The following ANKS1B variants were observed in gnomAD, a reference collection of about 807,000 sequenced individuals.
The protein encoded by ANKS1B is ankyrin repeat and sterile alpha motif domain containing 1B, also known as ankyrin repeat and sterile alpha motif domain-containing protein 1B.
ANKS1B carries 36 observed loss-of-function variants against 148.3 expected under a neutral mutation model. The observed-to-expected ratio is 0.24, with a 90% CI of 0.19 to 0.32. ANKS1B has a LOEUF of 0.32. Among genes scored for constraint, ANKS1B ranks in the 10% least tolerant of loss-of-function variants. The pLI, the probability that ANKS1B is intolerant of heterozygous loss-of-function variation, is 1.00. For synonymous variants in ANKS1B, 542 were observed against 560.8 expected (o/e 0.97, Z 0.47); for missense variants, 1,157 against 1,542.6 (o/e 0.75, Z 4.19).
intron 25 of ANKS1B, among the ~76,000 whole-genome samples, chr12:98,769,415 T>C (rs898988311): frequency 3.9e-5 from 6 of 152,182 alleles, no homozygotes; most frequent in African/African-American, 1.4e-4. Context: ...ACTGTTCACC[T>C]GGAGAAGATT....
At chr12:98,805,462 A>G (rs1004209912) in intron 20 of ANKS1B, among the ~76,000 whole-genome samples, 2 of 152,210 alleles carry the variant, frequency 1.3e-5, no homozygotes, top group African/African-American at 4.8e-5. Flanking sequence ...GATTCTGTGT[A>G]ACACATGTTT....
chr12:99,819,891 A>G (rs1196145913), intron 2 of ANKS1B, among the ~76,000 whole-genome samples: 1 of 151,778 alleles, frequency 6.6e-6, no homozygotes, highest in Non-Finnish European at 1.5e-5. Context: ...CAAGAAAAAA[A>G]GGGATGAGAA....
intron 8 of ANKS1B, among the ~76,000 whole-genome samples, chr12:99,752,460 T>A (rs2061197012): frequency 6.6e-6 from 1 of 152,040 alleles, no homozygotes; most frequent in Non-Finnish European, 1.5e-5. Context: ...CAGTAGCTAG[T>A]ACGTAATATA....
At chr12:99,099,767 A>G (rs1423493313) in intron 15 of ANKS1B, 1 of 152,260 alleles carries the variant, frequency 6.6e-6, no homozygotes, top group Non-Finnish European at 1.5e-5. Flanking sequence ...TGCTAATAAC[A>G]TAAAATTTTA....
intron 2 of ANKS1B, among the ~76,000 whole-genome samples, chr12:99,821,085 G>A (rs556088975): frequency 6.6e-6 from 1 of 152,066 alleles, no homozygotes; most frequent in South Asian, 2.1e-4. Context: ...GCATCATAGT[G>A]CATAACTGAG....
chr12:99,856,263 C>G (rs1359924727), intron 1 of ANKS1B, among the ~76,000 whole-genome samples: 4 of 152,002 alleles, frequency 2.6e-5, no homozygotes, highest in African/African-American at 9.7e-5. Context: ...TACAAAAGAT[C>G]ATCCAAGGCT....
At chr12:99,059,736 C>T (rs959398599) in intron 16 of ANKS1B, among the ~76,000 whole-genome samples, 3 of 123,116 alleles carry the variant, frequency 2.4e-5, no homozygotes, top group African/African-American at 9.3e-5. Flanking sequence ...AATTAGTAAC[C>T]TATTTGTTTA....
intron 1 of ANKS1B, among the ~76,000 whole-genome samples, chr12:99,826,877 G>A (rs1430036448): frequency 6.6e-6 from 1 of 152,144 alleles, no homozygotes; most frequent in Non-Finnish European, 1.5e-5. Context: ...TTGGGAGGCT[G>A]AGGAGGGAGG....
intron 1 of ANKS1B, among the ~76,000 whole-genome samples, chr12:99,941,426 G>C (rs1361315268): frequency 1.3e-5 from 2 of 151,010 alleles, no homozygotes; most frequent in African/African-American, 4.9e-5. Flanking sequence ...AAGATAACAA[G>C]GACCTGAAGT....
At chr12:99,661,661 C>T (rs565277123) in intron 8 of ANKS1B, among the ~76,000 whole-genome samples, 1 of 152,262 alleles carries the variant, frequency 6.6e-6, no homozygotes, top group South Asian at 2.1e-4. Flanking sequence ...TTTTCTCTGG[C>T]AAAGACTATT....
intron 17 of ANKS1B, among the ~76,000 whole-genome samples, chr12:98,870,007 G>C (rs1308549207): frequency 1.3e-5 from 2 of 152,182 alleles, no homozygotes; most frequent in African/African-American, 4.8e-5. Context: ...TTGGGGTGCA[G>C]TAGTTAAGAG....
intron 10 of ANKS1B, among the ~76,000 whole-genome samples, chr12:99,464,724 A>G (rs542446603): frequency 7.0e-4 from 106 of 152,362 alleles, no homozygotes; most frequent in African/African-American, 2.5e-3. Context: ...AAATGAAGCC[A>G]GAAGGGAAGT....
intron 17 of ANKS1B, 133 bp from the exon 18 acceptor site, chr12:98,832,269 G>T: frequency 1.5e-6 from 1 of 686,200 alleles, no homozygotes; most frequent in Non-Finnish European, 2.4e-6. Flanking sequence ...TCACTTCAGT[G>T]TGACCGCTGA....
At chr12:99,650,657 A>C (rs1201460209) in intron 9 of ANKS1B, among the ~76,000 whole-genome samples, 3 of 152,144 alleles carry the variant, frequency 2.0e-5, no homozygotes, top group Non-Finnish European at 2.9e-5. Context: ...AATTTGTAGA[A>C]ATTTCAATCT....
intron 17 of ANKS1B, among the ~76,000 whole-genome samples, chr12:98,852,350 C>T (rs2099533783): frequency 6.6e-6 from 1 of 151,846 alleles, no homozygotes; most frequent in Non-Finnish European, 1.5e-5. Context: ...TTGGTGAGTA[C>T]CAGATGTAGG....
chr12:99,718,147 G>A (rs990269596), intron 8 of ANKS1B, among the ~76,000 whole-genome samples: 4 of 151,880 alleles, frequency 2.6e-5, no homozygotes, highest in East Asian at 1.9e-4. Flanking sequence ...TGATCCGCCC[G>A]CCTCTGCTTC....
At chr12:99,830,616 A>G (rs538261745) in intron 1 of ANKS1B, among the ~76,000 whole-genome samples, 1 of 148,544 alleles carries the variant, frequency 6.7e-6, no homozygotes, top group South Asian at 2.1e-4. Flanking sequence ...ACATATAGGA[A>G]TAAAGCTGAC....
intron 9 of ANKS1B, among the ~76,000 whole-genome samples, chr12:99,590,399 T>C (rs188722126): frequency 3.3e-5 from 5 of 152,274 alleles, no homozygotes; most frequent in Non-Finnish European, 7.3e-5. Flanking sequence ...CAACAGATTA[T>C]AGTAACACAT....
intron 12 of ANKS1B, among the ~76,000 whole-genome samples, chr12:99,326,108 C>T (rs2086254469): frequency 6.6e-6 from 1 of 151,934 alleles, no homozygotes. Flanking sequence ...GGAAATTGCT[C>T]CCACGATTCA....
Sources: gnomAD v4.1 joint callset for allele counts (sites outside exome capture counted in the v4.1 genomes callset) on GRCh38, gnomAD v4.1.1 for gene constraint, MANE v1.5 for transcripts, NCBI Gene and HGNC (gene_info 2026-07-23, HGNC 2026-07-21) for gene names.